Variants in LAMC3 observed in about 807,000 individuals in gnomAD.
LAMC3 encodes laminin subunit gamma 3.
In LAMC3, 128 loss-of-function variants were observed where a neutral mutation model predicts 173.8. That is an observed-to-expected ratio of 0.74 (90% CI 0.64 to 0.85). The LOEUF (loss-of-function observed/expected upper bound fraction) is 0.85, where lower values mean the gene tolerates loss of function less well. LAMC3 is among the 40% of genes least tolerant of loss of function. The pLI, the probability that LAMC3 is intolerant of heterozygous loss-of-function variation, is 0.00. For synonymous variants in LAMC3, 897 were observed against 909.1 expected (o/e 0.99, Z 0.24); for missense variants, 2,022 against 2,156.0 (o/e 0.94, Z 1.23).
intron 10 of LAMC3, 48 bp from the exon 11 acceptor site, chr9:131,052,779 ACCCCCCATCCCCAGGCATGGTAC>A: frequency 7.9e-7 from 1 of 1,261,876 alleles, no homozygotes; most frequent in South Asian, 1.2e-5. Flanking sequence ...CTGGGGGGCT[ACCCCCCATCCCCAGGCATGGTAC>A]CCCCCCACCC....
At position 131,025,535 on chromosome 9, in the gene LAMC3, C is replaced by A. The variant is rs187925065; in HGVS notation, c.374-750C>A. Among the ~76,000 whole-genome samples, 1,116 of 151,952 alleles carry A rather than the reference C, an allele frequency of 7.3e-3. 7 individuals carry two copies. The highest frequency in any genetic ancestry group is 0.012 in the Non-Finnish European group (832 of 67,922). ...CACTGGAAGCTGGGGGTTCAGGGAG[C>A]AAGCAGAGGGGCTCAGGAGGGGGCC... is the stretch of plus-strand genomic sequence containing the variant. On this transcript the variant is annotated intron_variant, in intron 1 of 27. Coordinates refer to ENST00000361069, the MANE Select transcript of LAMC3 (RefSeq NM_006059.4).
chr9:131,013,909 C>G (rs569836379), intron 1 of LAMC3, among the ~76,000 whole-genome samples: 1 of 152,214 alleles, frequency 6.6e-6, no homozygotes, highest in Admixed American at 6.5e-5. Context: ...GTCTTCCTGT[C>G]GAGTGGGCGG....
intron 2 of LAMC3, among the ~76,000 whole-genome samples, chr9:131,028,786 T>C (rs1466512011): frequency 1.3e-5 from 2 of 152,242 alleles, no homozygotes; most frequent in Non-Finnish European, 2.9e-5. Context: ...TGTGACAGTG[T>C]GCGTAGAGTA....
At chr9:131,034,326 G>A (rs565270522) in intron 3 of LAMC3, among the ~76,000 whole-genome samples, 18 of 152,286 alleles carry the variant, frequency 1.2e-4, no homozygotes, top group Non-Finnish European at 2.2e-4. Flanking sequence ...ATTGCCTGGC[G>A]CCTGCCTCAC....
intron 1 of LAMC3, among the ~76,000 whole-genome samples, chr9:131,014,854 G>A (rs1485117771): frequency 1.3e-5 from 2 of 152,172 alleles, no homozygotes; most frequent in Non-Finnish European, 2.9e-5. Flanking sequence ...GCGGGGGCAA[G>A]TGCCTGTAGT....
intron 24 of LAMC3, among the ~76,000 whole-genome samples, chr9:131,085,107 G>C (rs1405077145): frequency 1.3e-5 from 2 of 151,968 alleles, no homozygotes; most frequent in East Asian, 3.9e-4. Flanking sequence ...TCAGACTCTT[G>C]GTTTTCCATG....
chr9:131,011,953 C>G (rs1487090532), intron 1 of LAMC3, among the ~76,000 whole-genome samples: 1 of 152,048 alleles, frequency 6.6e-6, no homozygotes, highest in Admixed American at 6.5e-5. Context: ...TGTGCACCCT[C>G]GTGGAACTCT....
At chr9:131,082,813 C>T (rs1379603639) in intron 24 of LAMC3, among the ~76,000 whole-genome samples, 1 of 152,202 alleles carries the variant, frequency 6.6e-6, no homozygotes, top group Non-Finnish European at 1.5e-5. Context: ...ACTCTGAACC[C>T]CAGATGTCTC....
At chr9:131,015,505 C>A (rs920366204) in intron 1 of LAMC3, among the ~76,000 whole-genome samples, 9 of 152,200 alleles carry the variant, frequency 5.9e-5, no homozygotes, top group Non-Finnish European at 1.3e-4. Flanking sequence ...CAGGACTCCA[C>A]CTGCACCCCT....
At chr9:131,018,004 C>T (rs1833555690) in intron 1 of LAMC3, among the ~76,000 whole-genome samples, 1 of 151,816 alleles carries the variant, frequency 6.6e-6, no homozygotes, top group Non-Finnish European at 1.5e-5. Flanking sequence ...CCAGCCTGGG[C>T]GACAGAGCAA....
At chr9:131,022,215 A>AACAAACACACACACAC (rs371321436) in intron 1 of LAMC3, among the ~76,000 whole-genome samples, 1 of 144,662 alleles carries the variant, frequency 6.9e-6, no homozygotes, top group African/African-American at 2.6e-5. Flanking sequence ...TGTGGATGAA[A>AACAAACACACACACAC]ACACACACAC....
intron 9 of LAMC3, among the ~76,000 whole-genome samples, chr9:131,050,176 G>T (rs1834255113): frequency 6.6e-6 from 1 of 152,244 alleles, no homozygotes; most frequent in South Asian, 2.1e-4. Context: ...ATTCCTGAAA[G>T]AAGCGCTTGC....
chr9:131,026,201 C>T lies in LAMC3; in HGVS notation c.374-84C>T. On this transcript the variant is annotated intron_variant, in intron 1 of 27. Transcript: ENST00000361069. This position sits in a 1 kb window ranked among gnomAD's most constrained non-coding sequence, Gnocchi z 4.8. ...AGCGATCCATCCACGCTAGTGCCTGCAATGCAGCCGTCTGTCCTTCCTAGA... is the reference window on the plus strand; with the variant it reads ...AGCGATCCATCCACGCTAGTGCCTGTAATGCAGCCGTCTGTCCTTCCTAGA... 2 of 1,584,630 alleles carry T rather than the reference C, an allele frequency of 1.3e-6. No homozygotes were observed. Among genetic ancestry groups the T allele is most frequent in the Non-Finnish European group, 8.6e-7 (1 of 1,166,380 alleles).
intron 11 of LAMC3, among the ~76,000 whole-genome samples, chr9:131,054,710 A>G (rs1834366471): frequency 6.6e-6 from 1 of 151,712 alleles, no homozygotes; most frequent in South Asian, 2.1e-4. Flanking sequence ...ATGCCACTGC[A>G]CTCCAGCCTG....
In LAMC3 at chr9:131,039,185, T is replaced by C. The variant is rs1357210052; in HGVS notation, c.1220T>C (p.Val407Ala). ...GGCACCTGCGCCTGCAAGCCCACGGTGACTGGCTGGAAGTGTGACCGCTGT... is the reference window on the plus strand; with the variant it reads ...GGCACCTGCGCCTGCAAGCCCACGGCGACTGGCTGGAAGTGTGACCGCTGT... ...DTGTCACKPT[V>A]TGWKCDRCLP... The change falls in exon 6 of 28, where the codon GTG becomes GCG. Residue 407 changes from valine to alanine, a missense_variant. Physicochemically the swap from Val to Ala is moderately conservative, Grantham distance 64 (BLOSUM62 0). Transcript: ENST00000361069. 6.2e-7 allele frequency: 1 copy of C among 1,610,118 alleles called. No homozygotes were observed. Among genetic ancestry groups the C allele is most frequent in the East Asian group, 2.2e-5 (1 of 44,876 alleles).
At chr9:131,055,581 C>A (rs996463109) in intron 11 of LAMC3, among the ~76,000 whole-genome samples, 1 of 151,532 alleles carries the variant, frequency 6.6e-6, no homozygotes, top group Non-Finnish European at 1.5e-5. Flanking sequence ...CCCGCCACCA[C>A]GCCCGGCTAA....
In LAMC3 at chr9:131,055,423, C is replaced by CTTTTT. The variant is rs56220728; in HGVS notation, c.1940-1491_1940-1487dup. ...ATCCACACTCTTTTTTCTTTTCTTT[C>CTTTTT]TTTTTTTTTTTTTTTTTTTGAGACG... On this transcript the variant is annotated intron_variant, in intron 11 of 27. Transcript: ENST00000361069. Among the ~76,000 whole-genome samples, 78 of 109,208 alleles carry CTTTTT rather than the reference C, an allele frequency of 7.1e-4. 1 individual carries two copies. Among genetic ancestry groups the CTTTTT allele is most frequent in the Non-Finnish European group, 9.0e-4 (51 of 56,442 alleles). 71.6% of individuals were successfully genotyped at this position (109,208 alleles called of 152,430 possible).
Position 131,049,103 on chromosome 9 carries a change from G to A in LAMC3, c.1603G>A (p.Glu535Lys). ...CCCAAATGGGGTCCTCCTGAGCCCA[G>A]AAGACGAGGAGGAGCTCACAGCACC... ...WSPNGVLLSP[E>K]DEEELTAPEK... Residue 535 changes from glutamate to lysine, a missense_variant, in exon 9 of 28, where the codon GAA becomes AAA. Transcript: ENST00000361069. 3 of 1,551,532 alleles carry A rather than the reference G, an allele frequency of 1.9e-6. No individual in the cohort carries two copies. Among genetic ancestry groups the A allele is most frequent in the Non-Finnish European group, 2.6e-6 (3 of 1,146,592 alleles).
intron 8 of LAMC3, among the ~76,000 whole-genome samples, chr9:131,047,649 G>T (rs1834196061): frequency 6.6e-6 from 1 of 151,404 alleles, no homozygotes; most frequent in Non-Finnish European, 1.5e-5. Flanking sequence ...GATCACCTGA[G>T]GTCAAGAGTT....
Sources: gnomAD v4.1 joint callset for allele counts (sites outside exome capture counted in the v4.1 genomes callset) on GRCh38, gnomAD v4.1.1 for gene constraint, Gnocchi (gnomAD v3.1) non-coding constraint, MANE v1.5 for transcripts, NCBI Gene and HGNC (gene_info 2026-07-23, HGNC 2026-07-21) for gene names.